PASK: variants seen among roughly 807,000 people sequenced by gnomAD.
PASK encodes the protein PAS domain containing serine/threonine kinase, also known as PAS domain-containing serine/threonine-protein kinase.
PASK carries 110 observed loss-of-function variants against 121.0 expected under a neutral mutation model. The observed-to-expected ratio is 0.91, with a 90% confidence interval of 0.78 to 1.06. PASK has a LOEUF of 1.06. PASK is among the 50% of genes least tolerant of loss of function. PASK has a pLI of 0.00. For missense variants in PASK, 1,643 were observed against 1,702.3 expected, an observed-to-expected ratio of 0.97 and a Z score of 0.61; for synonymous variants, 686 against 717.8, an observed-to-expected ratio of 0.96 and a Z score of 0.71.
At chr2:241,138,574 AC>A in intron 5 of PASK, 79 bp downstream of exon 5, 1 of 1,502,330 alleles carries the variant, frequency 6.7e-7, no homozygotes, top group Non-Finnish European at 9.2e-7. Flanking sequence ...AAGGAATGAG[AC>A]AGGGACCAGC....
intron 1 of PASK, among the ~76,000 whole-genome samples, chr2:241,147,445 C>T (rs1981616): frequency 0.18 from 27,593 of 151,788 alleles, 3,526 homozygotes; most frequent in East Asian, 0.37. Flanking sequence ...TAGGGAGACC[C>T]CATCTCTACA....
At position 241,115,271 on chromosome 2, in the gene PASK, G is replaced by C. The variant is rs758697834; in HGVS notation, c.3198+17C>G. 6 of 1,613,978 alleles carry C rather than the reference G, an allele frequency of 3.7e-6. No individual in the cohort carries two copies. In the South Asian group the frequency reaches 6.6e-5, roughly 18 times the overall value. On this transcript the variant is annotated intron_variant, in intron 13 of 17. Transcript: ENST00000234040. ...ACATGAGCCAAGTTAGGGTATCTCT[G>C]AAGAGGAAACCATCACCTTGATGAT...
chr2:241,130,441 T>C (rs961916259), intron 9 of PASK, among the ~76,000 whole-genome samples: 1 of 152,146 alleles, frequency 6.6e-6, no homozygotes, highest in Non-Finnish European at 1.5e-5. Context: ...CCACGTGGCC[T>C]CTGTCCACCA....
At chr2:241,124,184 C>T in intron 10 of PASK, 51 bp from the exon 11 acceptor site, 4 of 1,508,332 alleles carry the variant, frequency 2.7e-6, no homozygotes, top group Non-Finnish European at 3.7e-6. Flanking sequence ...CCTGGCTAGA[C>T]AGCAGCTTTA....
chr2:241,133,093 C>T (rs1468031103), intron 8 of PASK, 63 bp from the exon 9 acceptor site: 2 of 1,513,252 alleles, frequency 1.3e-6, no homozygotes, highest in Non-Finnish European at 1.8e-6. Context: ...CGAATCTGCT[C>T]ATTCGCCTGG....
rs1248690048 is a variant in PASK, at chr2:241,149,422, G to A, written c.-51C>T. 3.7e-6 allele frequency: 2 copies of A among 535,972 alleles called. No homozygotes were observed. The highest frequency in any genetic ancestry group is 6.7e-5 in the East Asian group (2 of 29,806). 33.2% of individuals were successfully genotyped at this position (535,972 alleles called of 1,614,324 possible). A position where few individuals can be genotyped will look rare whatever the true frequency, so the allele number is the denominator to read the frequency against. ...GAGCGCAGGTATCTCACCTGGATCA[G>A]GCGAGGGTCACGCCAAGCCGGCTAC... On this transcript the variant is annotated 5_prime_UTR_variant, in exon 1 of 18. Transcript: ENST00000234040.
At position 241,115,041 on chromosome 2, in the gene PASK, A is replaced by C. The variant is rs1029647628; in HGVS notation, c.3333+2T>G. ...ACTAACACGGCTCTGGCCTGCTCTC[A>C]CTTGTCGGAAGATGTAGCTCGCCAG... On this transcript the variant is annotated splice_donor_variant, in intron 14 of 17. Coordinates refer to ENST00000234040, the MANE Select transcript of PASK (RefSeq NM_015148.4). LOFTEE classifies it high-confidence loss of function. 5 of 1,613,910 alleles carry C rather than the reference A, an allele frequency of 3.1e-6. No homozygotes were observed. The highest frequency in any genetic ancestry group is 4.2e-6 in the Non-Finnish European group (5 of 1,179,992).
At position 241,135,057 on chromosome 2, in the gene PASK, C is replaced by T. The variant is rs573465506; in HGVS notation, c.1306+814G>A. Among the ~76,000 whole-genome samples, 20 of 152,368 alleles carry T rather than the reference C, an allele frequency of 1.3e-4. No individual in the cohort carries two copies. In the South Asian group the frequency reaches 4.1e-3, roughly 32 times the overall value. ...TCAGGCGTGGGCCCTGCCAGGACAT[C>T]AGCGGGTTCTACTGCCCCTCATTGC... On this transcript the variant is annotated intron_variant, in intron 8 of 17. Coordinates refer to ENST00000234040, the MANE Select transcript of PASK (RefSeq NM_015148.4).
At position 241,133,049 on chromosome 2, in the gene PASK, AAG is replaced by A; in HGVS notation, c.1307-21_1307-20del. The A allele has an allele frequency of 6.2e-7, 1 of 1,613,732 alleles. No individual in the cohort carries two copies. Among genetic ancestry groups the A allele is most frequent in the South Asian group, 1.1e-5 (1 of 91,074 alleles). ...CTTGGATCTGGCAGCAACACCAAAA[AAG>A]AGCGTTTGCTCTTCACAGGCACTCC... On this transcript the variant is annotated intron_variant, in intron 8 of 17. Coordinates refer to ENST00000234040, the MANE Select transcript of PASK (RefSeq NM_015148.4).
chr2:241,124,369 G>A (rs1409606867), intron 10 of PASK, among the ~76,000 whole-genome samples: 1 of 152,208 alleles, frequency 6.6e-6, no homozygotes, highest in African/African-American at 2.4e-5. Flanking sequence ...GGCATAGCCT[G>A]CAGGCCTGCA....
intron 15 of PASK, among the ~76,000 whole-genome samples, chr2:241,110,041 A>AAGCAAACATAAAGAAACAT (rs2065043667): frequency 6.6e-6 from 1 of 152,244 alleles, no homozygotes; most frequent in Admixed American, 6.5e-5. Flanking sequence ...ATAAAGATGG[A>AAGCAAACATAAAGAAACAT]AGCAAAAGGT....
At chr2:241,140,861 C>T (rs2125452927) in intron 2 of PASK, 108 bp from the exon 3 acceptor site, 1 of 748,766 alleles carries the variant, frequency 1.3e-6, no homozygotes, top group Non-Finnish European at 2.4e-6. Flanking sequence ...GCAAAAAGAT[C>T]TAAGGATTAA....
rs867512588 is a variant in PASK, at chr2:241,122,768, G to A, written c.3036C>T (p.Phe1012=). 9.9e-6 allele frequency: 16 copies of A among 1,614,034 alleles called. No homozygotes were observed. The highest frequency in any genetic ancestry group is 4.4e-5 in the South Asian group (4 of 91,088). ...MSPLGSGAFG[F]VWTAVDKEKN... is the part of the protein sequence containing the mutation. ...TTTCCTTGTCCACAGCAGTCCACACGAAGCCGAAGGCCCCACTGCCCAGCG... is the reference window on the plus strand; with the variant it reads ...TTTCCTTGTCCACAGCAGTCCACACAAAGCCGAAGGCCCCACTGCCCAGCG... The change falls in exon 12 of 18, where the codon TTC becomes TTT. Residue 1012 remains phenylalanine, a synonymous_variant. Coordinates refer to ENST00000234040, the MANE Select transcript of PASK (RefSeq NM_015148.4).
chr2:241,144,276 C>T (rs962856545), intron 1 of PASK, among the ~76,000 whole-genome samples: 6 of 152,180 alleles, frequency 3.9e-5, no homozygotes, highest in African/African-American at 9.7e-5. Context: ...GCACTTGAAA[C>T]ACAAGTACAC....
chr2:241,132,527 T>TA (rs71049553), intron 9 of PASK, among the ~76,000 whole-genome samples: 6,282 of 39,328 alleles, frequency 0.16, 980 homozygotes, highest in East Asian at 0.3. Flanking sequence ...AGACTCTGTC[T>TA]AAAAAAAAAA....
chr2:241,117,902 T>C (rs2065443818), intron 12 of PASK, among the ~76,000 whole-genome samples: 1 of 151,600 alleles, frequency 6.6e-6, no homozygotes, highest in Non-Finnish European at 1.5e-5. Context: ...AAATGAAAAA[T>C]AAACCTGGAA....
chr2:241,112,727 C>T lies in PASK; in HGVS notation c.3334-288G>A. On this transcript the variant is annotated intron_variant, in intron 14 of 17. Coordinates refer to ENST00000234040, the MANE Select transcript of PASK (RefSeq NM_015148.4). This position sits in a 1 kb window ranked among gnomAD's most constrained non-coding sequence, Gnocchi z 5.2. ...CTGCTGAGAAAAGCTTCCCAGCAGA[C>T]ACTCGCCCCCACCAACGCACACCAT... 2.6e-6 allele frequency: 1 copy of T among 389,372 alleles called. No individual in the cohort carries two copies. The highest frequency in any genetic ancestry group is 4.8e-6 in the Non-Finnish European group (1 of 209,294). The allele number at this position is 389,372 out of a possible 1,614,324, so 24.1% of individuals were successfully genotyped here.
chr2:241,132,194 T>G (rs1575306005), intron 9 of PASK, among the ~76,000 whole-genome samples: 1 of 152,118 alleles, frequency 6.6e-6, no homozygotes, highest in Admixed American at 6.5e-5. Context: ...TAATATAAAC[T>G]TTCTTTACTC....
chr2:241,124,699 T>G (rs775078824), intron 10 of PASK, among the ~76,000 whole-genome samples: 1 of 152,240 alleles, frequency 6.6e-6, no homozygotes, highest in African/African-American at 2.4e-5. Context: ...TCTTTGGTGG[T>G]GGGGGTTTAC....
Sources: allele counts gnomAD v4.1 joint callset (sites outside exome capture counted in the v4.1 genomes callset), GRCh38; gene constraint gnomAD v4.1.1; non-coding constraint Gnocchi (gnomAD v3.1); transcripts MANE v1.5; gene names NCBI Gene and HGNC (gene_info 2026-07-23, HGNC 2026-07-21).